The following SH2B1 variants were observed in gnomAD, a reference collection of about 807,000 sequenced individuals.
SH2B1 encodes the protein SH2B adaptor protein 1.
Under a neutral mutation model 62.6 loss-of-function variants are expected in SH2B1, and 15 were observed. The ratio of observed to expected loss-of-function variants is 0.24; its 90% CI spans 0.16 to 0.37. The LOEUF is 0.37. Among genes scored for constraint, SH2B1 ranks in the 10% least tolerant of loss-of-function variants. The pLI, the probability that SH2B1 is intolerant of heterozygous loss-of-function variation, is 1.00. For synonymous variants in SH2B1, 443 were observed against 438.0 expected (o/e 1.01, Z -0.14); for missense variants, 925 against 1,015.6 (o/e 0.91, Z 1.21).
chr16:28,869,087 C>T lies in SH2B1; in HGVS notation c.1123C>T (p.Leu375=). The T allele has an allele frequency of 6.2e-7, 1 of 1,614,152 alleles. No individual in the cohort carries two copies. The highest frequency in any genetic ancestry group is 8.5e-7 in the Non-Finnish European group (1 of 1,180,002). The change falls in exon 3 of 8, where the codon CTG becomes TTG. Residue 375 remains leucine (L), a synonymous_variant. Coordinates refer to ENST00000684370, the MANE Select transcript of SH2B1 (RefSeq NM_001387430.1). Reference sequence around the variant, plus strand: ...CTGGGTGTCTGACATCCAAGAATGCCTGAGCCCAGGGTGAGAAGCCTGACT... The same window carrying T: ...CTGGGTGTCTGACATCCAAGAATGCTTGAGCCCAGGGTGAGAAGCCTGACT... ...KAWVSDIQEC[L]SPGPCPATSP... is the part of the protein sequence containing the mutation.
upstream of SH2B1, among the ~76,000 whole-genome samples, chr16:28,859,868 A>ATG (rs1962399357): frequency 1.3e-5 from 1 of 75,522 alleles, no homozygotes; most frequent in Non-Finnish European, 2.8e-5. Context: ...AAACCAATAG[A>ATG]CCCCCCCCCC....
At chr16:28,847,479 A>G (rs1039989168) in intron 1 of SH2B1, among the ~76,000 whole-genome samples, 2 of 152,094 alleles carry the variant, frequency 1.3e-5, no homozygotes, top group East Asian at 1.9e-4. Flanking sequence ...CGTGGGGTCT[A>G]TGCACAGACT....
At position 28,867,159 on chromosome 16, in the gene SH2B1, A is replaced by G. The variant is rs1596624488; in HGVS notation, c.939+126A>G. The G allele has an allele frequency of 2.1e-6, 3 of 1,417,994 alleles. No homozygotes were observed. The South Asian group carries it at 3.7e-5, about 18-fold the overall frequency. 87.8% of individuals were successfully genotyped at this position (1,417,994 alleles called of 1,614,324 possible). ...CTGGTGTCGCTCACTTTTTGTTGGT[A>G]AAGCTGGCTCTTGGCTCTGTGTTAG... On this transcript the variant is annotated intron_variant, in intron 1 of 7. Coordinates refer to ENST00000684370, the MANE Select transcript of SH2B1 (RefSeq NM_001387430.1).
Position 28,872,107 on chromosome 16 carries a change from G to C in SH2B1, c.1514-83G>C. ...GACGCATGTGGGGAGCAGGCGCCTT[G>C]AGGGGAAGGCAAGGCTTTTTTCTCC... On this transcript the variant is annotated intron_variant, in intron 5 of 7. Transcript: ENST00000684370. The surrounding 1 kb of genome is among the most constrained non-coding windows in gnomAD (Gnocchi z 5.3). The C allele has an allele frequency of 1.4e-6, 2 of 1,446,288 alleles. No homozygotes were observed. Among genetic ancestry groups the C allele is most frequent in the South Asian group, 2.3e-5 (2 of 85,684 alleles). 89.6% of individuals were successfully genotyped at this position (1,446,288 alleles called of 1,614,324 possible).
chr16:28,853,689 G>C lies in SH2B1; in HGVS notation c.-301+6862G>C, dbSNP rs185792444. On this transcript the variant is annotated intron_variant, in intron 1 of 10. Coordinates refer to the SH2B1 transcript ENST00000322610. ...TTTCACATCCATTCTCCGTGCAGCA[G>C]CCAGATCAGTCTTTAAAATGTGCCT... Among the ~76,000 whole-genome samples the C allele has an allele frequency of 4.0e-3, 608 of 151,680 alleles. 12 individuals are homozygous for C. The highest frequency in any genetic ancestry group is 0.037 in the Admixed American group (557 of 15,174).
chr16:28,863,640 C>T (rs890834821), upstream of SH2B1: 4 of 1,520,918 alleles, frequency 2.6e-6, no homozygotes, highest in Non-Finnish European at 3.5e-6. Context: ...CCAAGCACTT[C>T]CCCCGCTGCG....
intron 1 of SH2B1, among the ~76,000 whole-genome samples, chr16:28,855,420 CAT>C (rs576278759): frequency 9.7e-4 from 147 of 152,128 alleles, no homozygotes; most frequent in African/African-American, 3.3e-3. Flanking sequence ...GGGGTTTCAC[CAT>C]GTTGGCCAGG....
Position 28,866,354 on chromosome 16 carries a change from T to C in SH2B1, c.260T>C (p.Leu87Pro). The change falls in exon 1 of 8, where the codon CTG becomes CCG. Residue 87 changes from leucine (L) to proline (P), a missense_variant. Coordinates refer to ENST00000684370, the MANE Select transcript of SH2B1 (RefSeq NM_001387430.1). This position sits in a 1 kb window ranked among gnomAD's most constrained non-coding sequence, Gnocchi z 6.3. ...GAGGTGGCCCGGGCCTCTGGCTCCCTGTCGCCACCCATCCTGGCTCCCCTG... is the reference window on the plus strand; with the variant it reads ...GAGGTGGCCCGGGCCTCTGGCTCCCCGTCGCCACCCATCCTGGCTCCCCTG... ...EAEVARASGS[L>P]SPPILAPLSP... The C allele has an allele frequency of 1.2e-6, 2 of 1,613,110 alleles. No individual in the cohort carries two copies. The highest frequency in any genetic ancestry group is 2.7e-5 in the African/African-American group (2 of 75,034).
At position 28,864,013 on chromosome 16, in the gene SH2B1, C is replaced by G. The variant is rs1313089090; in HGVS notation, c.-2082C>G. 5.2e-6 allele frequency: 7 copies of G among 1,354,614 alleles called. No individual in the cohort carries two copies. In the East Asian group the frequency reaches 8.8e-5, roughly 17 times the overall value. 83.9% of individuals were successfully genotyped at this position (1,354,614 alleles called of 1,614,324 possible). A position where few individuals can be genotyped will look rare whatever the true frequency, so the allele number is the denominator to read the frequency against. ...CTCTCCGCGACCCGGCCCTGGCGCC[C>G]GAGAGGATTCCTGGGTGGGGGTGGG... On this transcript the variant is annotated 5_prime_UTR_variant, in exon 1 of 8. Coordinates refer to ENST00000684370, the MANE Select transcript of SH2B1 (RefSeq NM_001387430.1).
In SH2B1 at chr16:28,873,103, C is replaced by T; in HGVS notation, c.1898-344C>T. ...CCCTCCTCCCTCAATGTCTCATGTC[C>T]CTGTCTGATCTCTCCCTTTCCCCTG... On this transcript the variant is annotated intron_variant, in intron 7 of 7. Coordinates refer to ENST00000684370, the MANE Select transcript of SH2B1 (RefSeq NM_001387430.1). This position sits in a 1 kb window ranked among gnomAD's most constrained non-coding sequence, Gnocchi z 4.2. 3.9e-6 allele frequency: 4 copies of T among 1,026,010 alleles called. No individual in the cohort carries two copies. The highest frequency in any genetic ancestry group is 5.6e-6 in the Non-Finnish European group (4 of 710,230). The allele number at this position is 1,026,010 out of a possible 1,614,324, so 63.6% of individuals were successfully genotyped here.
Position 28,865,518 on chromosome 16 carries a change from G to T in SH2B1, c.-577G>T. 1.0e-6 allele frequency: 1 copy of T among 985,646 alleles called. No individual in the cohort carries two copies. The highest frequency in any genetic ancestry group is 4.7e-5 in the South Asian group (1 of 21,290). 61.1% of individuals were successfully genotyped at this position (985,646 alleles called of 1,614,324 possible). A position where few individuals can be genotyped will look rare whatever the true frequency, so the allele number is the denominator to read the frequency against. ...GAGGCTGGCCCAGCCGGGCCCTGGG[G>T]ACAGGGACTATGAAGTGGGGAAAAC... On this transcript the variant is annotated 5_prime_UTR_variant, in exon 1 of 8. Coordinates refer to ENST00000684370, the MANE Select transcript of SH2B1 (RefSeq NM_001387430.1).
At chr16:28,863,574 T>A, upstream of SH2B1, 5 of 1,113,918 alleles carry the variant, frequency 4.5e-6, 1 homozygote, top group South Asian at 1.5e-5. Flanking sequence ...CGGTTCTCTA[T>A]GGTCGACATC....
intron 2 of SH2B1, 86 bp from the exon 3 acceptor site, chr16:28,868,920 C>G (rs1001228665): frequency 4.9e-6 from 5 of 1,013,922 alleles, no homozygotes; most frequent in Non-Finnish European, 7.9e-6. Context: ...TGTTTGTAGA[C>G]AGCCTGCATA....
intron 4 of SH2B1, 73 bp downstream of exon 4, chr16:28,869,456 C>A: frequency 7.2e-7 from 1 of 1,389,376 alleles, no homozygotes; most frequent in South Asian, 1.3e-5. Context: ...AGGCGCCATG[C>A]CCTCTCCAGA....
chr16:28,865,466 G>A lies in SH2B1; in HGVS notation c.-629G>A. 1 of 985,594 alleles carries A rather than the reference G, an allele frequency of 1.0e-6. No individual in the cohort carries two copies. 61.1% of individuals were successfully genotyped at this position (985,594 alleles called of 1,614,324 possible). On this transcript the variant is annotated 5_prime_UTR_variant, in exon 1 of 8. Coordinates refer to ENST00000684370, the MANE Select transcript of SH2B1 (RefSeq NM_001387430.1). ...TCCCAGCTCCTCTCTAGCCCCCTGC[G>A]AGCTGGGGCGGTGAGGTGCTATGGC... is the stretch of plus-strand genomic sequence containing the variant.
Position 28,865,760 on chromosome 16 carries a change from G to T in SH2B1, c.-335G>T. 9.1e-7 allele frequency: 1 copy of T among 1,099,284 alleles called. No individual in the cohort carries two copies. Among genetic ancestry groups the T allele is most frequent in the Non-Finnish European group, 1.1e-6 (1 of 903,358 alleles). The allele number at this position is 1,099,284 out of a possible 1,614,324, so 68.1% of individuals were successfully genotyped here. A position where few individuals can be genotyped will look rare whatever the true frequency, so the allele number is the denominator to read the frequency against. ...GGAAGGTGCTCCAAAGCCCTCTACT[G>T]CTGGATCCAAAGCTAAGGAAAGTGG... On this transcript the variant is annotated 5_prime_UTR_variant, in exon 1 of 8. Transcript: ENST00000684370.
Position 28,869,303 on chromosome 16 carries a change from C to G in SH2B1, c.1229C>G (p.Ser410Cys), listed in dbSNP as rs115698674. 1.2e-6 allele frequency: 2 copies of G among 1,614,040 alleles called. No individual in the cohort carries two copies. The highest frequency in any genetic ancestry group is 1.7e-6 in the Non-Finnish European group (2 of 1,180,030). ...TRENTDSLEL[S>C]CLNHSESLPS... ...GAGAACACAGACAGCCTGGAGCTGTCCTGCCTGAATCACTCGGAGAGTCTA... is the reference window on the plus strand; with the variant it reads ...GAGAACACAGACAGCCTGGAGCTGTGCTGCCTGAATCACTCGGAGAGTCTA... The change falls in exon 4 of 8, where the codon TCC (serine) becomes TGC (cysteine). Residue 410 changes from serine to cysteine, a missense_variant. Around this residue, in one of 3 missense-constraint regions of SH2B1, gnomAD observed 683 missense variants for 704.0 expected, o/e 0.97. Transcript: ENST00000684370.
chr16:28,846,717 C>T (rs1043116808), exon 1 of SH2B1: 1 of 173,220 alleles, frequency 5.8e-6, no homozygotes, highest in African/African-American at 2.4e-5. Flanking sequence ...GCGGCTCCGA[C>T]TGCTCAGGAA....
chr16:28,858,310 CGAGAGCA>C (rs1031381167), intron 1 of SH2B1, among the ~76,000 whole-genome samples: 2 of 151,764 alleles, frequency 1.3e-5, no homozygotes, highest in African/African-American at 4.8e-5. Flanking sequence ...GTCAGGAGTT[CGAGAGCA>C]GCCTGGCCAA....
Sources: allele counts gnomAD v4.1 joint callset (sites outside exome capture counted in the v4.1 genomes callset), GRCh38; gene constraint gnomAD v4.1.1; regional missense constraint gnomAD v4.1.1; non-coding constraint Gnocchi (gnomAD v3.1); transcripts MANE v1.5; gene names NCBI Gene and HGNC (gene_info 2026-07-23, HGNC 2026-07-21).